The following LRP1B variants were observed in gnomAD, a reference collection of about 807,000 sequenced individuals.
The protein encoded by LRP1B is LDL receptor related protein 1B.
A neutral mutation model predicts 556.6 loss-of-function variants in LRP1B; 217 were observed. The observed-to-expected ratio is 0.39, with a 90% confidence interval of 0.35 to 0.44. The LOEUF (loss-of-function observed/expected upper bound fraction) is 0.44, where lower values mean the gene tolerates loss of function less well. Ranked by LOEUF, LRP1B falls within the 20% of genes least tolerant of loss-of-function variation. The pLI is 1.00. For synonymous variants in LRP1B, 2,047 were observed against 1,865.8 expected (o/e 1.10, Z -2.50); for missense variants, 5,053 against 5,620.8 (o/e 0.90, Z 3.23).
chr2:141,761,119 CATT>C (rs1574331481), intron 2 of LRP1B, among the ~76,000 whole-genome samples: 1 of 152,088 alleles, frequency 6.6e-6, no homozygotes, highest in East Asian at 1.9e-4. Flanking sequence ...TGGTTAACCT[CATT>C]GTTAGGAAAC....
chr2:140,951,527 C>T (rs1695713809), intron 19 of LRP1B, among the ~76,000 whole-genome samples: 1 of 152,138 alleles, frequency 6.6e-6, no homozygotes, highest in African/African-American at 2.4e-5. Context: ...AGCTTCTCCT[C>T]CTGAGGTTAC....
intron 2 of LRP1B, among the ~76,000 whole-genome samples, chr2:141,717,268 TTTTAA>T (rs985645236): frequency 4.7e-4 from 71 of 152,306 alleles, no homozygotes; most frequent in African/African-American, 1.7e-3. Context: ...AGACAGCCCT[TTTTAA>T]TTTGAGTTGC....
intron 65 of LRP1B, 64 bp from the exon 66 acceptor site, chr2:140,442,687 T>C: frequency 1.3e-6 from 2 of 1,510,752 alleles, no homozygotes; most frequent in Non-Finnish European, 1.8e-6. Context: ...TAAAAGCAAA[T>C]TTTACAGACA....
chr2:140,245,510 C>A (rs1373369715), intron 87 of LRP1B, among the ~76,000 whole-genome samples: 2 of 151,312 alleles, frequency 1.3e-5, no homozygotes, highest in Non-Finnish European at 3.0e-5. Context: ...CATTGAGAAA[C>A]TACCATTAAA....
rs201116522 is a variant in LRP1B, at chr2:140,829,153, G to GGA, written c.5209+10836_5209+10837dup. Among the ~76,000 whole-genome samples the GGA allele has an allele frequency of 9.8e-3, 1,485 of 151,906 alleles. 13 individuals carry two copies. The highest frequency in any genetic ancestry group is 0.014 in the Non-Finnish European group (985 of 67,938). Reference sequence around the variant, plus strand: ...AAAGCAAATATTAATAAATCTAAAGGGAGAGAGAGAGACTGTAACACAATA... The same window carrying GGA: ...AAAGCAAATATTAATAAATCTAAAGGGAGAGAGAGAGAGACTGTAACACAATA... On this transcript the variant is annotated intron_variant, in intron 31 of 90. Transcript: ENST00000389484.
At chr2:141,794,760 C>A (rs1450716466) in intron 2 of LRP1B, among the ~76,000 whole-genome samples, 1 of 151,782 alleles carries the variant, frequency 6.6e-6, no homozygotes, top group African/African-American at 2.4e-5. Context: ...TCCACAGTAC[C>A]AACGAAATAA....
intron 1 of LRP1B, among the ~76,000 whole-genome samples, chr2:141,924,039 A>G (rs10928129): frequency 0.86 from 131,001 of 151,854 alleles, 56,665 homozygotes; most frequent in East Asian, 1. Context: ...AAAGGCTCCA[A>G]TCTCAAGTCT....
intron 2 of LRP1B, among the ~76,000 whole-genome samples, chr2:141,645,469 C>CTTTTT (rs750147915): frequency 1.2e-4 from 6 of 48,388 alleles, no homozygotes; most frequent in African/African-American, 2.8e-4. Context: ...GAAGACAAGG[C>CTTTTT]TTTTTTTTTT....
At chr2:140,933,882 T>C (rs1695124772) in intron 20 of LRP1B, among the ~76,000 whole-genome samples, 1 of 152,120 alleles carries the variant, frequency 6.6e-6, no homozygotes, top group Admixed American at 6.6e-5. Context: ...CCTTGAGTTG[T>C]CTTTACTTTT....
intron 1 of LRP1B, among the ~76,000 whole-genome samples, chr2:142,062,474 T>G (rs1328112246): frequency 6.6e-6 from 1 of 151,962 alleles, no homozygotes; most frequent in East Asian, 1.9e-4. Context: ...TGAATGGGCT[T>G]ACTTCAACTA....
chr2:140,496,936 A>T (rs1370050959), intron 55 of LRP1B, among the ~76,000 whole-genome samples: 4 of 148,586 alleles, frequency 2.7e-5, no homozygotes, highest in Non-Finnish European at 4.5e-5. Context: ...TTTATTTATT[A>T]TCAGATAAAA....
chr2:141,674,936 A>G (rs576287219), intron 2 of LRP1B, among the ~76,000 whole-genome samples: 1 of 152,196 alleles, frequency 6.6e-6, no homozygotes, highest in African/African-American at 2.4e-5. Flanking sequence ...TAGTGTCCTC[A>G]AAAACGCTGG....
rs184175702 is a variant in LRP1B, at chr2:141,034,479, C to T, written c.1790-14377G>A. 4.5e-4 allele frequency among the ~76,000 whole-genome samples: 68 copies of T among 152,006 alleles called. No homozygotes were observed. In the Middle Eastern group the frequency reaches 0.01, roughly 23 times the overall value. ...TATTCATCTGACAAAGGGCTAATAC[C>T]CAGAATCTACAATCAACTCAAACAA... On this transcript the variant is annotated intron_variant, in intron 11 of 90. Transcript: ENST00000389484.
At chr2:141,843,438 G>A (rs951523356) in intron 1 of LRP1B, among the ~76,000 whole-genome samples, 2 of 152,070 alleles carry the variant, frequency 1.3e-5, no homozygotes, top group African/African-American at 4.8e-5. Flanking sequence ...TAATGCCAAG[G>A]CTAATTTCTA....
intron 23 of LRP1B, among the ~76,000 whole-genome samples, chr2:140,899,386 T>G (rs12691581): frequency 0.23 from 34,727 of 152,076 alleles, 4,180 homozygotes; most frequent in Non-Finnish European, 0.26. Context: ...TCATCATTAG[T>G]TTGGCATTAA....
intron 59 of LRP1B, among the ~76,000 whole-genome samples, chr2:140,479,219 T>C (rs1425281524): frequency 6.6e-6 from 1 of 151,216 alleles, no homozygotes; most frequent in Non-Finnish European, 1.5e-5. Context: ...ATTGCTATAC[T>C]TTTTTTTTCT....
At chr2:141,289,676 T>G (rs187295065) in intron 3 of LRP1B, among the ~76,000 whole-genome samples, 4 of 152,256 alleles carry the variant, frequency 2.6e-5, no homozygotes, top group African/African-American at 9.6e-5. Context: ...ATGTACATAG[T>G]GCATTTGTAT....
At chr2:140,383,602 T>C (rs1194573662) in intron 67 of LRP1B, among the ~76,000 whole-genome samples, 1 of 152,178 alleles carries the variant, frequency 6.6e-6, no homozygotes, top group African/African-American at 2.4e-5. Flanking sequence ...TCCTCTTACA[T>C]GTTCAAAACA....
intron 27 of LRP1B, among the ~76,000 whole-genome samples, chr2:140,853,299 C>G (rs1191830726): frequency 6.6e-6 from 1 of 152,052 alleles, no homozygotes; most frequent in African/African-American, 2.4e-5. Flanking sequence ...GCTAAGTTTC[C>G]CCAGTTTATT....
Sources: allele counts gnomAD v4.1 joint callset (sites outside exome capture counted in the v4.1 genomes callset), GRCh38; gene constraint gnomAD v4.1.1; transcripts MANE v1.5; gene names NCBI Gene and HGNC (gene_info 2026-07-23, HGNC 2026-07-21).